NCAM1: variants seen among roughly 807,000 people sequenced by gnomAD.
NCAM1 encodes antigen recognized by monoclonal antibody 5.1H11.
In NCAM1, 14 loss-of-function variants were observed where a neutral mutation model predicts 109.8. The observed-to-expected ratio is 0.13, with a 90% CI of 0.08 to 0.20. The LOEUF is 0.20. Ranked by LOEUF, NCAM1 falls within the 10% of genes least tolerant of loss-of-function variation. The pLI is 1.00. For missense variants in NCAM1, 774 were observed against 1,109.9 expected, an observed-to-expected ratio of 0.70 and a Z score of 4.30; for synonymous variants, 418 against 442.9, an observed-to-expected ratio of 0.94 and a Z score of 0.70.
At chr11:112,979,030 C>T (rs1951079612) in intron 1 of NCAM1, among the ~76,000 whole-genome samples, 1 of 151,618 alleles carries the variant, frequency 6.6e-6, no homozygotes, top group Admixed American at 6.6e-5. Context: ...AACACAGATC[C>T]TCTGATTTTA....
chr11:113,170,724 C>T (rs7102903), intron 1 of NCAM1, among the ~76,000 whole-genome samples: 31,428 of 151,376 alleles, frequency 0.21, 4,101 homozygotes, highest in East Asian at 0.38. Context: ...AACAGTGGGC[C>T]TAAAAAAACT....
chr11:113,250,467 T>C (rs1364080700), intron 15 of NCAM1, among the ~76,000 whole-genome samples: 3 of 152,220 alleles, frequency 2.0e-5, no homozygotes, highest in African/African-American at 4.8e-5. Flanking sequence ...AATTGTAATG[T>C]TTCTGACTTG....
rs55641415 is a variant in NCAM1, at chr11:113,239,499, CTT to C, written c.1825+4358_1825+4359del. ...TATAGAGATTATGAATGAGTCTCTA[CTT>C]TTTTTTTTTTTTTTTTTTTTTTGAG... On this transcript the variant is annotated intron_variant, in intron 14 of 19. Transcript: ENST00000316851. Among the ~76,000 whole-genome samples the C allele has an allele frequency of 5.6e-3, 619 of 110,062 alleles. 3 individuals are homozygous for C. Among genetic ancestry groups the C allele is most frequent in the South Asian group, 0.011 (36 of 3,204 alleles). 72.2% of individuals were successfully genotyped at this position (110,062 alleles called of 152,430 possible).
At chr11:113,002,301 A>G (rs1426081103) in intron 1 of NCAM1, among the ~76,000 whole-genome samples, 6 of 152,216 alleles carry the variant, frequency 3.9e-5, no homozygotes, top group Admixed American at 3.9e-4. Flanking sequence ...GCTCTGTTCT[A>G]GGGAAACTTC....
At chr11:112,967,353 C>T (rs992701194) in intron 1 of NCAM1, among the ~76,000 whole-genome samples, 18 of 152,200 alleles carry the variant, frequency 1.2e-4, no homozygotes, top group African/African-American at 3.9e-4. Flanking sequence ...TTTTTATCAT[C>T]TGCTCTGTGG....
At chr11:113,023,080 C>T (rs1952437179) in intron 1 of NCAM1, among the ~76,000 whole-genome samples, 1 of 152,072 alleles carries the variant, frequency 6.6e-6, no homozygotes, top group East Asian at 1.9e-4. Flanking sequence ...TAATAAGAAA[C>T]AAGTGAATAT....
At position 113,202,421 on chromosome 11, in the gene NCAM1, G is replaced by A; in HGVS notation, c.95G>A (p.Ser32Asn). ...ATTGTTCCCAGCCAGGGGGAGATCA[G>A]CGTTGGAGAGTCCAAATTCTTCTTA... ...VDIVPSQGEI[S>N]VGESKFFLCQ... The change falls in exon 2 of 20, where the codon AGC (serine) becomes AAC (asparagine). Residue 32 changes from serine to asparagine, a missense_variant. By Grantham distance (46) the Ser-to-Asn change is conservative (BLOSUM62 1). Transcript: ENST00000316851. 6.2e-7 allele frequency: 1 copy of A among 1,612,788 alleles called. No homozygotes were observed. The highest frequency in any genetic ancestry group is 8.5e-7 in the Non-Finnish European group (1 of 1,179,640).
intron 16 of NCAM1, among the ~76,000 whole-genome samples, chr11:113,256,618 G>T (rs781980466): frequency 6.6e-6 from 1 of 150,434 alleles, no homozygotes; most frequent in Non-Finnish European, 1.5e-5. Context: ...CCCTTCACTT[G>T]GCCACCTGAG....
At chr11:113,004,669 G>A (rs1951848638) in intron 1 of NCAM1, among the ~76,000 whole-genome samples, 1 of 152,172 alleles carries the variant, frequency 6.6e-6, no homozygotes, top group Middle Eastern at 3.4e-3. Context: ...TGATATTTCA[G>A]TATCTTTTTT....
intron 1 of NCAM1, among the ~76,000 whole-genome samples, chr11:113,148,827 C>G (rs1440702175): frequency 6.6e-6 from 1 of 152,124 alleles, no homozygotes; most frequent in African/African-American, 2.4e-5. Flanking sequence ...AAGGCAAGGG[C>G]TCCTCCCCTC....
intron 1 of NCAM1, among the ~76,000 whole-genome samples, chr11:113,186,663 C>T (rs1943517771): frequency 6.6e-6 from 1 of 152,190 alleles, no homozygotes. Context: ...GTTGGTGTTT[C>T]ATGGGAGAAA....
chr11:113,198,159 CTG>C (rs1468064952), intron 1 of NCAM1, among the ~76,000 whole-genome samples: 1 of 152,122 alleles, frequency 6.6e-6, no homozygotes, highest in African/African-American at 2.4e-5. Context: ...TTTTTTCTGT[CTG>C]TGAACAAGGG....
At chr11:113,025,573 G>A (rs1555077050) in intron 1 of NCAM1, among the ~76,000 whole-genome samples, 1 of 152,072 alleles carries the variant, frequency 6.6e-6, no homozygotes, top group African/African-American at 2.4e-5. Flanking sequence ...ATAAAATGCT[G>A]TATGCTCCAG....
intron 1 of NCAM1, among the ~76,000 whole-genome samples, chr11:113,170,484 T>A (rs1591384236): frequency 6.6e-6 from 1 of 152,156 alleles, no homozygotes; most frequent in Non-Finnish European, 1.5e-5. Context: ...ACTGGCTAGA[T>A]GTTAAGAAGA....
At chr11:113,275,177 C>T (rs1946376057) in intron 19 of NCAM1, 90 bp from the exon 20 acceptor site, 5 of 1,526,206 alleles carry the variant, frequency 3.3e-6, no homozygotes, top group East Asian at 4.7e-5. Flanking sequence ...AGAACCCCTC[C>T]TCCTCCCTGC....
intron 1 of NCAM1, chr11:113,133,947 T>A (rs1941504428): frequency 6.6e-6 from 1 of 152,052 alleles, no homozygotes; most frequent in Admixed American, 6.6e-5. Flanking sequence ...CACATCCACC[T>A]ACCATATATT....
At chr11:113,051,665 T>C (rs997330727) in intron 1 of NCAM1, among the ~76,000 whole-genome samples, 15 of 152,346 alleles carry the variant, frequency 9.8e-5, no homozygotes, top group Non-Finnish European at 1.6e-4. Context: ...CACTATAGCA[T>C]CATTTCTCTG....
chr11:113,087,304 A>G (rs2135730066), intron 1 of NCAM1, among the ~76,000 whole-genome samples: 1 of 152,350 alleles, frequency 6.6e-6, no homozygotes, highest in East Asian at 1.9e-4. Context: ...CTGTCTTCCC[A>G]TCTTACCTCA....
At chr11:113,094,968 G>T (rs1488166542) in intron 1 of NCAM1, among the ~76,000 whole-genome samples, 1 of 152,174 alleles carries the variant, frequency 6.6e-6, no homozygotes, top group African/African-American at 2.4e-5. Flanking sequence ...AGGGAAAATA[G>T]TATCGGGTTT....
Sources: gnomAD v4.1 joint callset for allele counts (sites outside exome capture counted in the v4.1 genomes callset) on GRCh38, gnomAD v4.1.1 for gene constraint, MANE v1.5 for transcripts, NCBI Gene and HGNC (gene_info 2026-07-23, HGNC 2026-07-21) for gene names.